Variants in BICDL1 observed in about 807,000 individuals in gnomAD.
The protein encoded by BICDL1 is BICD family-like cargo adapter 1.
BICDL1 carries 20 observed loss-of-function variants against 76.8 expected under a neutral mutation model. The ratio of observed to expected loss-of-function variants is 0.26; its 90% CI spans 0.18 to 0.38. BICDL1 has a LOEUF of 0.38. BICDL1 is among the 10% of genes least tolerant of loss of function. The pLI is 1.00. For synonymous variants in BICDL1, 383 were observed against 337.1 expected, an observed-to-expected ratio of 1.14 and a Z score of -1.49; for missense variants, 700 against 798.6, an observed-to-expected ratio of 0.88 and a Z score of 1.49.
chr12:120,069,907 A>G (rs1226460365), intron 4 of BICDL1, among the ~76,000 whole-genome samples: 1 of 152,154 alleles, frequency 6.6e-6, no homozygotes, highest in Non-Finnish European at 1.5e-5. Flanking sequence ...TTATAGACTC[A>G]TGTATACTTT....
chr12:120,005,813 A>G (rs972254246), intron 2 of BICDL1, among the ~76,000 whole-genome samples: 6 of 152,232 alleles, frequency 3.9e-5, no homozygotes, highest in South Asian at 2.1e-4. Context: ...TGTAACAGCT[A>G]TGCCATTGAA....
intron 7 of BICDL1, among the ~76,000 whole-genome samples, chr12:120,075,846 G>A (rs1873503010): frequency 6.6e-6 from 1 of 152,158 alleles, no homozygotes; most frequent in Non-Finnish European, 1.5e-5. Context: ...AGATAACAAG[G>A]ACACAAAGAT....
intron 1 of BICDL1, among the ~76,000 whole-genome samples, chr12:119,995,091 G>A (rs531352342): frequency 1.3e-5 from 2 of 152,198 alleles, no homozygotes; most frequent in East Asian, 3.9e-4. Flanking sequence ...TATTTTTGAT[G>A]ACCTTGACAA....
intron 2 of BICDL1, among the ~76,000 whole-genome samples, chr12:120,035,441 C>T (rs951953778): frequency 2.6e-5 from 4 of 152,176 alleles, no homozygotes; most frequent in Admixed American, 6.5e-5. Context: ...CTATGTGATA[C>T]GTAGCCTTAT....
chr12:120,088,744 G>A (rs13377680), intron 8 of BICDL1, among the ~76,000 whole-genome samples: 12,485 of 151,824 alleles, frequency 0.082, 596 homozygotes, highest in African/African-American at 0.13. Context: ...TGGGCTTACT[G>A]CAAGCTCCGC....
intron 5 of BICDL1, 26 bp from the exon 6 acceptor site, chr12:120,072,485 A>G (rs546062052): frequency 4.8e-5 from 77 of 1,610,424 alleles, no homozygotes; most frequent in African/African-American, 6.7e-5. Context: ...AGAGTCTGAA[A>G]TGAATAGTAA....
chr12:120,030,176 C>T (rs1952393540), intron 2 of BICDL1, among the ~76,000 whole-genome samples: 1 of 152,122 alleles, frequency 6.6e-6, no homozygotes, highest in South Asian at 2.1e-4. Flanking sequence ...TTAAAATTGT[C>T]TCTAAGCAAA....
At chr12:120,070,299 G>T (rs1566257874) in intron 4 of BICDL1, among the ~76,000 whole-genome samples, 2 of 151,982 alleles carry the variant, frequency 1.3e-5, no homozygotes, top group Non-Finnish European at 2.9e-5. Flanking sequence ...TAGCCATCTT[G>T]GGTGAGACTC....
intron 3 of BICDL1, among the ~76,000 whole-genome samples, chr12:120,062,419 C>T (rs1309964919): frequency 3.3e-5 from 5 of 152,040 alleles, no homozygotes; most frequent in South Asian, 4.1e-4. Context: ...TTATCACCAG[C>T]CCAAACCAGG....
chr12:120,043,334 G>A (rs1026394880), intron 2 of BICDL1, among the ~76,000 whole-genome samples: 5 of 152,280 alleles, frequency 3.3e-5, no homozygotes, highest in Middle Eastern at 3.4e-3. Flanking sequence ...ATATTTTGGG[G>A]CGTGCCTATT....
intron 6 of BICDL1, among the ~76,000 whole-genome samples, chr12:120,073,270 A>ACTC (rs1445384319): frequency 6.6e-6 from 1 of 152,242 alleles, no homozygotes; most frequent in African/African-American, 2.4e-5. Flanking sequence ...CACCAGGTAC[A>ACTC]CATAGAGCCT....
intron 2 of BICDL1, among the ~76,000 whole-genome samples, chr12:120,054,270 T>G (rs1411268793): frequency 6.6e-6 from 1 of 151,928 alleles, no homozygotes; most frequent in Non-Finnish European, 1.5e-5. Flanking sequence ...AGATAGAGTT[T>G]CTGCATGTTG....
chr12:120,081,309 C>T (rs1873963655), intron 8 of BICDL1, among the ~76,000 whole-genome samples: 1 of 148,854 alleles, frequency 6.7e-6, no homozygotes, highest in South Asian at 2.1e-4. Flanking sequence ...TGATACTCTA[C>T]ATGTCTTGCC....
chr12:120,006,201 G>T (rs1951847937), intron 2 of BICDL1, among the ~76,000 whole-genome samples: 1 of 152,196 alleles, frequency 6.6e-6, no homozygotes, highest in Non-Finnish European at 1.5e-5. Flanking sequence ...TGGAGAGGAG[G>T]CTTCTGGAAA....
rs201470199 is a variant in BICDL1 at position 119,990,113 on chromosome 12, C to T, written c.245C>T (p.Ser82Phe). 210 of 1,549,482 alleles carry T rather than the reference C, an allele frequency of 1.4e-4. No individual in the cohort carries two copies. The highest frequency in any genetic ancestry group is 1.7e-4 in the Non-Finnish European group (196 of 1,146,888). The stretch of plus-strand genomic sequence containing the variant: ...GAACACCCTCAGGCCGAGCCTGGGT[C>T]TCTGGCCGAGGGGGCCGGACCGCAG... Reference protein sequence around the residue: ...PGEHPQAEPGSLAEGAGPQPP... With the variant: ...PGEHPQAEPGFLAEGAGPQPP... The change falls in exon 1 of 10, where the codon TCT becomes TTT. Residue 82 changes from serine to phenylalanine, a missense_variant. Ser to Phe is a radical substitution (Grantham distance 155, BLOSUM62 -2). Coordinates refer to ENST00000548673, the MANE Select transcript of BICDL1 (RefSeq NM_001367886.1).
At chr12:120,008,613 C>G (rs907518515) in intron 2 of BICDL1, among the ~76,000 whole-genome samples, 1 of 151,984 alleles carries the variant, frequency 6.6e-6, no homozygotes, top group African/African-American at 2.4e-5. Context: ...AAATAAAAAC[C>G]ACTTCATATG....
At chr12:120,009,733 C>G (rs889170949) in intron 2 of BICDL1, among the ~76,000 whole-genome samples, 1 of 152,182 alleles carries the variant, frequency 6.6e-6, no homozygotes, top group African/African-American at 2.4e-5. Context: ...ACTATATACT[C>G]TTTTGTTACT....
chr12:120,086,618 A>G (rs972021784), intron 8 of BICDL1, among the ~76,000 whole-genome samples: 8 of 152,196 alleles, frequency 5.3e-5, no homozygotes, highest in Middle Eastern at 3.2e-3. Flanking sequence ...ACCTTCTCCT[A>G]TACAATAAAT....
intron 1 of BICDL1, chr12:119,992,400 T>G (rs1841209226): frequency 6.6e-6 from 1 of 152,250 alleles, no homozygotes; most frequent in South Asian, 2.1e-4. Flanking sequence ...TGCTGTACTT[T>G]GTACTTTTTT....
Sources: allele counts gnomAD v4.1 joint callset (sites outside exome capture counted in the v4.1 genomes callset), GRCh38; gene constraint gnomAD v4.1.1; transcripts MANE v1.5; gene names NCBI Gene and HGNC (gene_info 2026-07-23, HGNC 2026-07-21).